Variants in DGKZ observed in about 807,000 individuals in gnomAD.
DGKZ encodes the protein diacylglycerol kinase zeta.
DGKZ carries 45 observed loss-of-function variants against 142.5 expected under a neutral mutation model. The observed-to-expected ratio is 0.32, with a 90% confidence interval of 0.25 to 0.40. The LOEUF (loss-of-function observed/expected upper bound fraction) is 0.40. Among genes scored for constraint, DGKZ ranks in the 10% least tolerant of loss-of-function variants. DGKZ has a pLI of 1.00. For missense variants in DGKZ, 755 were observed against 1,306.5 expected (o/e 0.58, Z 6.51); for synonymous variants, 442 against 527.0 (o/e 0.84, Z 2.21).
chr11:46,379,872 C>G (rs1279739634), exon 31 of DGKZ: 1 of 1,610,464 alleles, frequency 6.2e-7, no homozygotes, highest in South Asian at 1.1e-5. Flanking sequence ...CTCAGGACAC[C>G]GAGCTGGCCG....
At chr11:46,376,288 C>T (rs771384434) in intron 22 of DGKZ, 40 bp from the exon 23 acceptor site, 13 of 1,612,940 alleles carry the variant, frequency 8.1e-6, no homozygotes, top group Admixed American at 1.7e-5. Context: ...CCTCCCTGGC[C>T]CCCACTCTAT....
rs374547849 is a variant in DGKZ, at chr11:46,355,258, G to A, written c.161+7438G>A. The stretch of plus-strand genomic sequence containing the variant: ...CAAGTAGCTGGGACTACAGGCGCCC[G>A]CCACCACGCCCGGCTAATTTTTTGT... On this transcript the variant is annotated intron_variant, in intron 1 of 30. Coordinates refer to ENST00000527911, the Ensembl canonical transcript of DGKZ. 1.3e-3 allele frequency among the ~76,000 whole-genome samples: 192 copies of A among 152,102 alleles called. 1 individual carries two copies. Among genetic ancestry groups the A allele is most frequent in the African/African-American group, 4.1e-3 (172 of 41,490 alleles).
chr11:46,357,178 G>C (rs968446537), intron 1 of DGKZ, among the ~76,000 whole-genome samples: 1 of 152,136 alleles, frequency 6.6e-6, no homozygotes, highest in African/African-American at 2.4e-5. Flanking sequence ...TGAAAGAAGA[G>C]ACTGGGGGTA....
In DGKZ at chr11:46,367,707, TCTGC is replaced by T; in HGVS notation, c.327_330del (p.Cys110ThrfsTer8). 6.2e-7 allele frequency: 1 copy of T among 1,612,260 alleles called. No homozygotes were observed. Among genetic ancestry groups the T allele is most frequent in the Non-Finnish European group, 8.5e-7 (1 of 1,179,440 alleles). On this transcript the variant is annotated frameshift_variant, in exon 3 of 31. Coordinates refer to ENST00000527911, the Ensembl canonical transcript of DGKZ. LOFTEE classifies it high-confidence loss of function. The surrounding 1 kb of genome is among the most constrained non-coding windows in gnomAD (Gnocchi z 4.1). ...TTCGAGACCAACGTGTCCGGGGACTTCTGCTACGTTGGGGAGCAGTACTGTGTAG... is the reference window on the plus strand; with the variant it reads ...TTCGAGACCAACGTGTCCGGGGACTTTACGTTGGGGAGCAGTACTGTGTAG...
At position 46,360,795 on chromosome 11, in the gene DGKZ, A is replaced by G. The variant is rs182142510; in HGVS notation, c.162-6496A>G. On this transcript the variant is annotated intron_variant, in intron 1 of 30. Coordinates refer to ENST00000527911, the Ensembl canonical transcript of DGKZ. Reference sequence around the variant, plus strand: ...GGCAAGACTCCATCTCAAAGAAAAAAAAAAAGAGTTTAAAGAGGTCTTGGG... The same window carrying G: ...GGCAAGACTCCATCTCAAAGAAAAAGAAAAAGAGTTTAAAGAGGTCTTGGG... Among the ~76,000 whole-genome samples, 945 of 152,288 alleles carry G rather than the reference A, an allele frequency of 6.2e-3. 7 individuals are homozygous for G. Among genetic ancestry groups the G allele is most frequent in the Non-Finnish European group, 0.01 (708 of 68,016 alleles).
chr11:46,378,286 A>AGT, intron 26 of DGKZ, 57 bp downstream of exon 26: 1 of 1,575,148 alleles, frequency 6.3e-7, no homozygotes. Flanking sequence ...CAGGAGGCTC[A>AGT]GTGGGGTGGG....
upstream of DGKZ, among the ~76,000 whole-genome samples, chr11:46,346,924 G>A (rs1374437895): frequency 6.6e-6 from 1 of 152,226 alleles, no homozygotes; most frequent in African/African-American, 2.4e-5. Context: ...TGGTCACTGA[G>A]TGCGAGAGGC....
rs551107671 is a variant in DGKZ, at chr11:46,351,077, T to C, written c.161+3257T>C. ...AGGACCTTTCCATTTAAGCTTCTGTTGACCCTAAGGATTGGGCAGCCAGGA... is the reference window on the plus strand; with the variant it reads ...AGGACCTTTCCATTTAAGCTTCTGTCGACCCTAAGGATTGGGCAGCCAGGA... On this transcript the variant is annotated intron_variant, in intron 1 of 30. Coordinates refer to ENST00000527911, the Ensembl canonical transcript of DGKZ. Among the ~76,000 whole-genome samples the C allele has an allele frequency of 9.9e-5, 15 of 151,964 alleles. No individual in the cohort carries two copies. In the South Asian group the frequency reaches 3.1e-3, roughly 32 times the overall value.
intron 1 of DGKZ, chr11:46,366,153 C>T (rs1022468363): frequency 1.4e-6 from 2 of 1,405,406 alleles, no homozygotes; most frequent in South Asian, 3.1e-5. Context: ...CTTCCCTTCT[C>T]ATGGGGCAGA....
Position 46,367,275 on chromosome 11 carries a change from G to T in DGKZ, c.162-16G>T, listed in dbSNP as rs777352534. ...CAAGTGCTCAGCCCCCTCCTCAGCT[G>T]TCTTCTCCTCTCTAGGAAAGCCATC... On this transcript the variant is annotated splice_polypyrimidine_tract_variant and intron_variant, in intron 1 of 30. Coordinates refer to ENST00000527911, the Ensembl canonical transcript of DGKZ. This position sits in a 1 kb window ranked among gnomAD's most constrained non-coding sequence, Gnocchi z 4.1. 8.8e-6 allele frequency: 14 copies of T among 1,599,928 alleles called. No individual in the cohort carries two copies. The highest frequency in any genetic ancestry group is 1.2e-5 in the Non-Finnish European group (14 of 1,169,804).
At position 46,367,003 on chromosome 11, in the gene DGKZ, A is replaced by C. The variant is rs931401768; in HGVS notation, c.162-288A>C. 1 of 1,497,886 alleles carries C rather than the reference A, an allele frequency of 6.7e-7. No homozygotes were observed. The highest frequency in any genetic ancestry group is 8.8e-7 in the Non-Finnish European group (1 of 1,130,354). The allele number at this position is 1,497,886 out of a possible 1,614,324, so 92.8% of individuals were successfully genotyped here. The stretch of plus-strand genomic sequence containing the variant: ...TGCTCGCGTAGGTATAGCTGTGGCC[A>C]GCAGGGCGAGTGGTGTGACCTCCTG... On this transcript the variant is annotated intron_variant, in intron 1 of 30. Coordinates refer to ENST00000527911, the Ensembl canonical transcript of DGKZ. The surrounding 1 kb of genome is among the most constrained non-coding windows in gnomAD (Gnocchi z 4.1).
At chr11:46,333,359 G>C in exon 1 of DGKZ, 3 of 1,372,464 alleles carry the variant, frequency 2.2e-6, no homozygotes, top group Non-Finnish European at 2.8e-6. Flanking sequence ...TGGTGCGGCG[G>C]CGATGCCGGC....
chr11:46,369,002 T>A, intron 4 of DGKZ: 1 of 188,082 alleles, frequency 5.3e-6, no homozygotes, highest in Non-Finnish European at 1.1e-5. Context: ...AGGTCAGGAG[T>A]TTGAGACCAG....
intron 4 of DGKZ, 174 bp from the exon 5 acceptor site, chr11:46,369,318 CAG>C: frequency 1.4e-6 from 1 of 708,192 alleles, no homozygotes; most frequent in Non-Finnish European, 2.5e-6. Flanking sequence ...GAGGAGGAGG[CAG>C]AGAGGCAGGA....
chr11:46,347,420 A>C (rs1414365629), upstream of DGKZ: 1 of 982,276 alleles, frequency 1.0e-6, no homozygotes, highest in African/African-American at 1.8e-5. This position sits in a 1 kb window ranked among gnomAD's most constrained non-coding sequence, Gnocchi z 6.4. Context: ...GCGGGCAGGC[A>C]GCGGCCCGGC....
intron 25 of DGKZ, 149 bp downstream of exon 25, chr11:46,377,361 C>G: frequency 7.2e-7 from 1 of 1,389,494 alleles, no homozygotes; most frequent in Non-Finnish European, 9.4e-7. Flanking sequence ...CGGCCTTCAG[C>G]CCTGTGGTTC....
Position 46,370,813 on chromosome 11 carries a change from G to A in DGKZ, c.571-500G>A, listed in dbSNP as rs1464009491. Among the ~76,000 whole-genome samples the A allele has an allele frequency of 2.0e-5, 3 of 152,202 alleles. No individual in the cohort carries two copies. In the East Asian group the frequency reaches 5.8e-4, roughly 29 times the overall value. On this transcript the variant is annotated intron_variant, in intron 6 of 30. Transcript: ENST00000527911. ...AAAAAATGTGTTCAGACTGGGTGTG[G>A]TGGCTCACGCCTGTAATCCCAGCAC...
chr11:46,374,736 C>A (rs370310069), intron 17 of DGKZ, 30 bp from the exon 18 acceptor site: 52 of 1,612,168 alleles, frequency 3.2e-5, no homozygotes, highest in Non-Finnish European at 4.2e-5. Flanking sequence ...CTGGCACATG[C>A]ACCTCAACAC....
intron 14 of DGKZ, 46 bp downstream of exon 14, chr11:46,373,147 C>T: frequency 2.7e-6 from 4 of 1,497,804 alleles, no homozygotes; most frequent in Non-Finnish European, 3.6e-6. Context: ...TGACTGGGGA[C>T]TGGATCCCAC....
Sources: gnomAD v4.1 joint callset for allele counts (sites outside exome capture counted in the v4.1 genomes callset) on GRCh38, gnomAD v4.1.1 for gene constraint, Gnocchi (gnomAD v3.1) non-coding constraint, MANE v1.5 for transcripts, NCBI Gene and HGNC (gene_info 2026-07-23, HGNC 2026-07-21) for gene names.